The following BIRC6 variants were observed in gnomAD, a reference collection of about 807,000 sequenced individuals.
BIRC6 encodes the protein baculoviral IAP repeat containing 6.
In BIRC6, 98 loss-of-function variants were observed where a neutral mutation model predicts 503.3. The ratio of observed to expected loss-of-function variants is 0.19; its 90% CI spans 0.17 to 0.23. The LOEUF is 0.23. BIRC6 is among the 10% of genes least tolerant of loss of function. BIRC6 has a pLI of 1.00. For synonymous variants in BIRC6, 2,240 were observed against 2,078.7 expected (o/e 1.08, Z -2.11); for missense variants, 5,360 against 5,806.0 (o/e 0.92, Z 2.50).
intron 33 of BIRC6, among the ~76,000 whole-genome samples, chr2:32,474,283 A>G (rs1435889108): frequency 6.6e-6 from 1 of 152,138 alleles, no homozygotes; most frequent in African/African-American, 2.4e-5. Flanking sequence ...CCTTTGCAGG[A>G]AAAATGAGAA....
chr2:32,536,893 G>A (rs1418945761), intron 61 of BIRC6, among the ~76,000 whole-genome samples: 4 of 152,134 alleles, frequency 2.6e-5, no homozygotes, highest in Non-Finnish European at 2.9e-5. Context: ...CTACCCATGA[G>A]CATGGAATGT....
intron 12 of BIRC6, 100 bp downstream of exon 12, chr2:32,431,190 T>A (rs1419605482): frequency 2.0e-6 from 1 of 492,036 alleles, no homozygotes; most frequent in East Asian, 3.5e-5. Context: ...TCTTTTTTTT[T>A]TTTTTTTTTT....
rs1258242981 is a variant in BIRC6, at chr2:32,464,795, A to G, written c.5228A>G (p.His1743Arg). The G allele has an allele frequency of 6.2e-7, 1 of 1,611,474 alleles. No homozygotes were observed. Among genetic ancestry groups the G allele is most frequent in the South Asian group, 1.1e-5 (1 of 90,974 alleles). The change falls in exon 25 of 74, where the codon CAT (histidine) becomes CGT (arginine). Residue 1743 changes from histidine to arginine, a missense_variant. His to Arg is a conservative substitution (Grantham distance 29, BLOSUM62 0). Coordinates refer to ENST00000421745, the MANE Select transcript of BIRC6 (RefSeq NM_016252.4). Reference protein sequence around the residue: ...IDPPAVNLAAHNKNSNKSRMN... With the variant: ...IDPPAVNLAARNKNSNKSRMN... ...CCCCCAGCAGTCAATCTTGCTGCAC[A>G]TAACAAAAATTCCAACAAGTCCAGA...
At chr2:32,592,243 G>A (rs1026301052) in intron 66 of BIRC6, among the ~76,000 whole-genome samples, 47 of 152,298 alleles carry the variant, frequency 3.1e-4, no homozygotes, top group Middle Eastern at 3.4e-3. Flanking sequence ...AAGTGGCCAT[G>A]TGTTCTCTGA....
chr2:32,468,838 G>A (rs768637609), intron 29 of BIRC6, 55 bp downstream of exon 29: 7 of 1,312,702 alleles, frequency 5.3e-6, no homozygotes, highest in African/African-American at 2.9e-5. Context: ...ATGTGATTTC[G>A]CTGCATGTTT....
intron 65 of BIRC6, among the ~76,000 whole-genome samples, chr2:32,562,190 GAGA>G (rs1453866419): frequency 1.3e-5 from 2 of 151,920 alleles, no homozygotes; most frequent in African/African-American, 4.8e-5. Context: ...TTCATGTATG[GAGA>G]AGAAGATTCT....
rs1558510682 is a variant in BIRC6, at chr2:32,357,696, G to C, written c.325+210G>C. ...TGCAGTTGGGAGGAAAGACCGGCGA[G>C]TCAGGGAGTGGTGGGAGGGGAGTTG... On this transcript the variant is annotated intron_variant, in intron 1 of 73. Coordinates refer to ENST00000421745, the MANE Select transcript of BIRC6 (RefSeq NM_016252.4). The surrounding 1 kb of genome is among the most constrained non-coding windows in gnomAD (Gnocchi z 4.9). Among the ~76,000 whole-genome samples, 1 of 152,176 alleles carries C rather than the reference G, an allele frequency of 6.6e-6. No individual in the cohort carries two copies.
chr2:32,600,968 C>T (rs571688477), intron 70 of BIRC6, among the ~76,000 whole-genome samples: 23 of 152,202 alleles, frequency 1.5e-4, no homozygotes, highest in African/African-American at 4.6e-4. Context: ...CACAAAAATT[C>T]GCTAACACAA....
chr2:32,503,709 A>C (rs2053467984), intron 49 of BIRC6, among the ~76,000 whole-genome samples: 1 of 152,098 alleles, frequency 6.6e-6, no homozygotes, highest in African/African-American at 2.4e-5. Flanking sequence ...GGCATGAGCC[A>C]CCATGCCTGG....
chr2:32,582,918 C>T (rs1342288098), intron 66 of BIRC6, among the ~76,000 whole-genome samples: 2 of 152,176 alleles, frequency 1.3e-5, no homozygotes, highest in Admixed American at 1.3e-4. Context: ...TATATAATAT[C>T]TCTAATATAC....
chr2:32,601,364 C>T (rs940391037), intron 70 of BIRC6, among the ~76,000 whole-genome samples: 2 of 152,080 alleles, frequency 1.3e-5, no homozygotes, highest in East Asian at 1.9e-4. Context: ...GGTGGATCAC[C>T]TGAGGTCGGG....
chr2:32,613,186 G>GGTTTGTTT (rs141023018), intron 73 of BIRC6, among the ~76,000 whole-genome samples: 2 of 150,844 alleles, frequency 1.3e-5, no homozygotes, highest in Non-Finnish European at 3.0e-5. Context: ...TGCCTTGACT[G>GGTTTGTTT]GTTTGTTTGT....
intron 1 of BIRC6, among the ~76,000 whole-genome samples, chr2:32,369,757 C>T (rs2035508503): frequency 6.6e-6 from 1 of 150,726 alleles, no homozygotes; most frequent in Non-Finnish European, 1.5e-5. Context: ...TAAGGGTTCT[C>T]TTGCCCAACA....
chr2:32,503,581 C>T (rs902139034), intron 49 of BIRC6, among the ~76,000 whole-genome samples: 1 of 152,020 alleles, frequency 6.6e-6, no homozygotes, highest in Admixed American at 6.6e-5. Flanking sequence ...GCCACCACGC[C>T]TGGCTAATTT....
chr2:32,575,247 G>T lies in BIRC6; in HGVS notation c.13236G>T (p.Leu4412Phe). 1 of 1,613,978 alleles carries T rather than the reference G, an allele frequency of 6.2e-7. No homozygotes were observed. The highest frequency in any genetic ancestry group is 8.5e-7 in the Non-Finnish European group (1 of 1,179,894). ...IASCAAMVPL[L>F]LPLSTENGEE... The stretch of plus-strand genomic sequence containing the variant: ...CTTGTGCTGCCATGGTGCCCCTATT[G>T]TTGCCCCTTTCTACAGAGAACGGTG... The change falls in exon 66 of 74, where the codon TTG becomes TTT. Residue 4412 changes from leucine to phenylalanine, a missense_variant. Leu to Phe is a conservative substitution (Grantham distance 22). Coordinates refer to ENST00000421745, the MANE Select transcript of BIRC6 (RefSeq NM_016252.4).
chr2:32,533,691 G>C (rs1225950871), intron 61 of BIRC6, among the ~76,000 whole-genome samples: 1 of 152,090 alleles, frequency 6.6e-6, no homozygotes, highest in Non-Finnish European at 1.5e-5. Context: ...GCATAAGCGA[G>C]GAATAGAGGA....
At chr2:32,593,107 TGATC>T (rs1249723348) in intron 66 of BIRC6, among the ~76,000 whole-genome samples, 1 of 152,250 alleles carries the variant, frequency 6.6e-6, no homozygotes, top group East Asian at 1.9e-4. Flanking sequence ...TTGTTTCAAA[TGATC>T]TATTTAAAGA....
At chr2:32,544,546 A>G (rs1430460315) in intron 62 of BIRC6, among the ~76,000 whole-genome samples, 3 of 150,642 alleles carry the variant, frequency 2.0e-5, no homozygotes, top group Non-Finnish European at 4.4e-5. Context: ...TTATTAGAAA[A>G]TTAATATTCC....
At position 32,364,834 on chromosome 2, in the gene BIRC6, G is replaced by T. The variant is rs568691784; in HGVS notation, c.325+7348G>T. ...AGGCCCAGAGCTGCCTGCTCTGAGA[G>T]GTCATGGTGCCTGCATAGTCCTCAA... On this transcript the variant is annotated intron_variant, in intron 1 of 73. Coordinates refer to ENST00000421745, the MANE Select transcript of BIRC6 (RefSeq NM_016252.4). Among the ~76,000 whole-genome samples, 44 of 151,376 alleles carry T rather than the reference G, an allele frequency of 2.9e-4. No individual in the cohort carries two copies. In the South Asian group the frequency reaches 9.0e-3, roughly 31 times the overall value.
Sources: allele counts gnomAD v4.1 joint callset (sites outside exome capture counted in the v4.1 genomes callset), GRCh38; gene constraint gnomAD v4.1.1; non-coding constraint Gnocchi (gnomAD v3.1); transcripts MANE v1.5; gene names NCBI Gene and HGNC (gene_info 2026-07-23, HGNC 2026-07-21).